Variants in TMPO observed in about 807,000 individuals in gnomAD.
TMPO encodes the protein LEM domain containing 4.
A neutral mutation model predicts 45.4 loss-of-function variants in TMPO; 22 were observed. The observed-to-expected ratio is 0.48, with a 90% CI of 0.35 to 0.69. TMPO has a LOEUF of 0.69. Ranked by LOEUF, TMPO falls within the 30% of genes least tolerant of loss-of-function variation. The pLI is 0.01. For synonymous variants in TMPO, 241 were observed against 204.1 expected, an observed-to-expected ratio of 1.18 and a Z score of -1.54; for missense variants, 512 against 548.8, an observed-to-expected ratio of 0.93 and a Z score of 0.67.
Position 98,531,461 on chromosome 12 carries a change from C to T in TMPO, c.407-219C>T, listed in dbSNP as rs189604487. On this transcript the variant is annotated intron_variant, in intron 2 of 8. Transcript: ENST00000556029. ...TGTTGGCCAGGCTGGTCTCGAACTC[C>T]TGACCTCAAGTAATGTACCCGCCTC... Among the ~76,000 whole-genome samples the T allele has an allele frequency of 2.7e-3, 413 of 151,872 alleles. No individual in the cohort carries two copies. Among genetic ancestry groups the T allele is most frequent in the Non-Finnish European group, 2.4e-3 (161 of 67,918 alleles).
In TMPO at chr12:98,533,513, A is replaced by G. The variant is rs370366685; in HGVS notation, c.565+1675A>G. The G allele has an allele frequency of 2.3e-5, 37 of 1,614,036 alleles. No homozygotes were observed. The highest frequency in any genetic ancestry group is 3.0e-5 in the Non-Finnish European group (35 of 1,180,028). On this transcript the variant is annotated intron_variant, in intron 3 of 8. Coordinates refer to ENST00000556029, the MANE Select transcript of TMPO (RefSeq NM_001032283.3). ...AGAATTGATCAGTCTAAGTTTCAAGAAACTGAATTCCTGTCTCCTCCAAGA... is the reference window on the plus strand; with the variant it reads ...AGAATTGATCAGTCTAAGTTTCAAGGAACTGAATTCCTGTCTCCTCCAAGA...
intron 4 of TMPO, among the ~76,000 whole-genome samples, chr12:98,542,577 T>A (rs58209561): frequency 0.065 from 9,905 of 151,954 alleles, 419 homozygotes; most frequent in African/African-American, 0.11. Flanking sequence ...AACCACTTAC[T>A]CTGGCCAGGT....
chr12:98,516,953 G>A (rs542731278), intron 1 of TMPO, among the ~76,000 whole-genome samples: 1 of 152,280 alleles, frequency 6.6e-6, no homozygotes, highest in South Asian at 2.1e-4. Context: ...GGGATTACAG[G>A]CATGCGCCGC....
At chr12:98,521,164 G>A (rs1368312807) in intron 1 of TMPO, among the ~76,000 whole-genome samples, 5 of 135,856 alleles carry the variant, frequency 3.7e-5, no homozygotes, top group Non-Finnish European at 6.1e-5. Flanking sequence ...CTGGACTGCA[G>A]TGGCGTGATC....
intron 4 of TMPO, among the ~76,000 whole-genome samples, chr12:98,537,882 A>C (rs552547468): frequency 1.3e-5 from 2 of 152,162 alleles, no homozygotes; most frequent in African/African-American, 4.8e-5. Context: ...CTTTTGATAC[A>C]ATTTCTTTAA....
intron 1 of TMPO, among the ~76,000 whole-genome samples, chr12:98,527,344 A>C (rs866582299): frequency 3.4e-4 from 51 of 149,204 alleles, no homozygotes; most frequent in East Asian, 1.6e-3. Flanking sequence ...ACAAAAAAAA[A>C]AAAAAACAAA....
chr12:98,540,429 C>T (rs1263777875), intron 4 of TMPO, among the ~76,000 whole-genome samples: 2 of 152,014 alleles, frequency 1.3e-5, no homozygotes, highest in East Asian at 3.8e-4. Flanking sequence ...ATTCTTTTTG[C>T]CAAGGTTGGT....
chr12:98,534,504 T>G, intron 3 of TMPO: 1 of 1,438,274 alleles, frequency 7.0e-7, no homozygotes, highest in Non-Finnish European at 9.1e-7. Flanking sequence ...TGTGTAGAAC[T>G]ACTTGTCTTT....
intron 1 of TMPO, among the ~76,000 whole-genome samples, chr12:98,526,828 C>T (rs1381770155): frequency 2.0e-5 from 3 of 152,008 alleles, no homozygotes. Context: ...CGTGGTGGCG[C>T]ACACCTGTAC....
intron 2 of TMPO, among the ~76,000 whole-genome samples, chr12:98,528,344 T>C (rs932090876): frequency 2.0e-5 from 3 of 151,466 alleles, no homozygotes; most frequent in African/African-American, 7.3e-5. Flanking sequence ...TGACGCGATC[T>C]CGGCTCCCTG....
In TMPO at chr12:98,515,794, C is replaced by G; in HGVS notation, c.-74C>G. On this transcript the variant is annotated 5_prime_UTR_variant, in exon 1 of 9. Coordinates refer to ENST00000556029, the MANE Select transcript of TMPO (RefSeq NM_001032283.3). ...GGCTCGGAGGCGGCAGCGCGGTCCC[C>G]GGCCAGGAGCAAGCGCGCCGGCGTG... 2 of 1,556,530 alleles carry G rather than the reference C, an allele frequency of 1.3e-6. No individual in the cohort carries two copies. Among genetic ancestry groups the G allele is most frequent in the South Asian group, 1.2e-5 (1 of 85,070 alleles).
At chr12:98,545,738 C>CA (rs1878192007) in intron 7 of TMPO, among the ~76,000 whole-genome samples, 1 of 146,574 alleles carries the variant, frequency 6.8e-6, no homozygotes, top group African/African-American at 2.5e-5. Context: ...AAACAGTATA[C>CA]TTTTTTTTTT....
intron 1 of TMPO, among the ~76,000 whole-genome samples, chr12:98,521,776 C>A (rs1876386019): frequency 1.3e-5 from 2 of 152,206 alleles, no homozygotes; most frequent in African/African-American, 4.8e-5. Context: ...GTCATCCAGG[C>A]TGGAGTGCAG....
chr12:98,545,129 G>GTTTTTTTTTTTTTTTTTT (rs79128220), intron 7 of TMPO, 68 bp downstream of exon 7: 1 of 530,262 alleles, frequency 1.9e-6, no homozygotes, highest in Non-Finnish European at 3.0e-6. Flanking sequence ...ATATTTGTTT[G>GTTTTTTTTTTTTTTTTTT]TTTTTTTTTT....
chr12:98,545,121 ATTTG>A (rs1555205135), intron 7 of TMPO, 60 bp downstream of exon 7: 65 of 830,724 alleles, frequency 7.8e-5, no homozygotes, highest in Middle Eastern at 5.5e-4. Flanking sequence ...AAATATAAAT[ATTTG>A]TTTGTTTTTT....
chr12:98,525,440 C>T lies in TMPO; in HGVS notation c.280-2446C>T, dbSNP rs544906030. On this transcript the variant is annotated intron_variant, in intron 1 of 8. Transcript: ENST00000556029. ...TTTAAAAAGAATTTCTCATATCTTG[C>T]TTTATTTGAAGTATTTCAGGCCAGG... is the stretch of plus-strand genomic sequence containing the variant. Among the ~76,000 whole-genome samples, 5 of 152,158 alleles carry T rather than the reference C, an allele frequency of 3.3e-5. No individual in the cohort carries two copies. In the East Asian group the frequency reaches 9.7e-4, roughly 29 times the overall value.
At chr12:98,516,574 A>G in intron 1 of TMPO, 1 of 1,002,348 alleles carries the variant, frequency 1.0e-6, no homozygotes, top group Non-Finnish European at 1.2e-6. Flanking sequence ...GCAGAGTCTC[A>G]GAGCGCTCCC....
chr12:98,532,731 T>C, intron 3 of TMPO: 1 of 1,592,444 alleles, frequency 6.3e-7, no homozygotes, highest in South Asian at 1.1e-5. Flanking sequence ...AGTCTTTTCC[T>C]TTGACAGCAC....
At chr12:98,516,461 A>T in intron 1 of TMPO, 1 of 1,136,062 alleles carries the variant, frequency 8.8e-7, no homozygotes, top group Non-Finnish European at 1.1e-6. Flanking sequence ...GGGCGTTTAG[A>T]CGGGGACTTC....
Sources: allele counts gnomAD v4.1 joint callset (sites outside exome capture counted in the v4.1 genomes callset), GRCh38; gene constraint gnomAD v4.1.1; transcripts MANE v1.5; gene names NCBI Gene and HGNC (gene_info 2026-07-23, HGNC 2026-07-21).